CFAP20DC: variants seen among roughly 807,000 people sequenced by gnomAD.
The protein encoded by CFAP20DC is CFAP20 domain containing, also known as protein CFAP20DC.
In CFAP20DC, 84 loss-of-function variants were observed where a neutral mutation model predicts 101.7. The ratio of observed to expected loss-of-function variants is 0.83; its 90% CI spans 0.69 to 0.99. CFAP20DC has a LOEUF of 0.99. Ranked by LOEUF, CFAP20DC falls within the 50% of genes least tolerant of loss-of-function variation. The probability of loss-of-function intolerance (pLI) is 0.00; values close to 1 mark genes in which losing one functional copy is unlikely to be tolerated. For synonymous variants in CFAP20DC, 359 were observed against 351.2 expected, an observed-to-expected ratio of 1.02 and a Z score of -0.25; for missense variants, 1,007 against 970.3, an observed-to-expected ratio of 1.04 and a Z score of -0.50.
intron 15 of CFAP20DC, among the ~76,000 whole-genome samples, chr3:58,786,988 G>C (rs919342907): frequency 7.3e-5 from 11 of 151,722 alleles, no homozygotes; most frequent in Non-Finnish European, 1.6e-4. Context: ...TGTCGTTTTA[G>C]ACATCCACTG....
At chr3:58,772,612 A>C (rs116043352) in intron 15 of CFAP20DC, among the ~76,000 whole-genome samples, 291 of 152,296 alleles carry the variant, frequency 1.9e-3, no homozygotes, top group African/African-American at 6.7e-3. Flanking sequence ...CTACCTCATA[A>C]ATATATGCAA....
intron 15 of CFAP20DC, among the ~76,000 whole-genome samples, chr3:58,778,753 C>T (rs900111770): frequency 6.6e-6 from 1 of 152,226 alleles, no homozygotes; most frequent in Non-Finnish European, 1.5e-5. Context: ...CTATTGAGGT[C>T]CGGAGACTGG....
chr3:58,726,942 G>T (rs1012174625), intron 3 of CFAP20DC: 7 of 159,574 alleles, frequency 4.4e-5, no homozygotes, highest in Non-Finnish European at 8.6e-5. Flanking sequence ...TTCCACTCAC[G>T]CCATCAGAAG....
At chr3:58,744,729 T>C (rs1055759727) in intron 16 of CFAP20DC, among the ~76,000 whole-genome samples, 2 of 152,004 alleles carry the variant, frequency 1.3e-5, no homozygotes, top group African/African-American at 4.8e-5. Context: ...GAGGAAGCCA[T>C]AGGATCAACA....
chr3:59,047,280 A>C (rs1699939166), intron 1 of CFAP20DC, 26 bp from the exon 2 acceptor site: 1 of 1,424,262 alleles, frequency 7.0e-7, no homozygotes. Flanking sequence ...AAAATATTAA[A>C]AGACAATGCT....
chr3:58,999,833 G>C, intron 4 of CFAP20DC, among the ~76,000 whole-genome samples: 1 of 137,118 alleles, frequency 7.3e-6, no homozygotes, highest in African/African-American at 2.8e-5. Context: ...CCAAAAGGGA[G>C]TCACTAATGT....
At chr3:58,880,173 A>G (rs1370892901) in intron 7 of CFAP20DC, among the ~76,000 whole-genome samples, 1 of 152,158 alleles carries the variant, frequency 6.6e-6, no homozygotes, top group Non-Finnish European at 1.5e-5. Flanking sequence ...ACTAGAAGTA[A>G]AAGTCTTTTC....
chr3:58,772,406 A>G (rs1237180657), intron 15 of CFAP20DC, among the ~76,000 whole-genome samples: 1 of 152,222 alleles, frequency 6.6e-6, no homozygotes, highest in Non-Finnish European at 1.5e-5. Context: ...AATTAAAATA[A>G]TGATATACTA....
At chr3:58,953,510 C>T (rs1396578965) in intron 4 of CFAP20DC, 1 of 152,200 alleles carries the variant, frequency 6.6e-6, no homozygotes, top group Admixed American at 6.5e-5. Context: ...GCTTATGCTA[C>T]TGTCTTTGCA....
chr3:58,784,846 C>T (rs2072175167), intron 15 of CFAP20DC, among the ~76,000 whole-genome samples: 1 of 152,004 alleles, frequency 6.6e-6, no homozygotes, highest in African/African-American at 2.4e-5. Flanking sequence ...TAAATTAGTA[C>T]AGCCACTATG....
rs574579224 is a variant in CFAP20DC, at chr3:58,894,832, T to C, written c.551-10123A>G. ...GTGCCTGGGCATCCAGGCGTTTCCATATGTCCTCTGAAATCAAGGTGGAGG... is the reference window on the plus strand; with the variant it reads ...GTGCCTGGGCATCCAGGCGTTTCCACATGTCCTCTGAAATCAAGGTGGAGG... On this transcript the variant is annotated intron_variant, in intron 6 of 16. Coordinates refer to ENST00000482387, the MANE Select transcript of CFAP20DC (RefSeq NM_001394063.1). This position sits in a 1 kb window ranked among gnomAD's most constrained non-coding sequence, Gnocchi z 4.1. Among the ~76,000 whole-genome samples the C allele has an allele frequency of 1.5e-4, 23 of 152,346 alleles. No individual in the cohort carries two copies. Among genetic ancestry groups the C allele is most frequent in the African/African-American group, 5.5e-4 (23 of 41,588 alleles).
At chr3:58,781,525 G>T (rs1362152696) in intron 15 of CFAP20DC, among the ~76,000 whole-genome samples, 1 of 151,534 alleles carries the variant, frequency 6.6e-6, no homozygotes, top group Non-Finnish European at 1.5e-5. Flanking sequence ...CTTTTTGAAA[G>T]ATAAAATTGA....
chr3:58,937,590 T>G, intron 5 of CFAP20DC, 58 bp downstream of exon 5: 2 of 1,044,862 alleles, frequency 1.9e-6, no homozygotes, highest in Non-Finnish European at 3.0e-6. Flanking sequence ...AGTCAGCCCA[T>G]AAGTAATATT....
chr3:59,034,229 C>G (rs1430458330), intron 4 of CFAP20DC, among the ~76,000 whole-genome samples: 4 of 152,100 alleles, frequency 2.6e-5, no homozygotes, highest in Non-Finnish European at 4.4e-5. Flanking sequence ...TGGTACCAGC[C>G]ACTGCAAAAA....
chr3:58,792,690 T>C (rs1575653707), intron 15 of CFAP20DC, among the ~76,000 whole-genome samples: 1 of 151,648 alleles, frequency 6.6e-6, no homozygotes, highest in Admixed American at 6.6e-5. Context: ...ACTACTTTTA[T>C]CTAGTATCTG....
At chr3:58,811,278 G>T (rs1025650048) in intron 14 of CFAP20DC, among the ~76,000 whole-genome samples, 5 of 152,108 alleles carry the variant, frequency 3.3e-5, no homozygotes, top group African/African-American at 1.2e-4. Flanking sequence ...CAAAGCTGGA[G>T]GCATCACGTT....
chr3:58,877,229 T>C (rs1187170742), intron 7 of CFAP20DC, among the ~76,000 whole-genome samples: 1 of 152,210 alleles, frequency 6.6e-6, no homozygotes, highest in African/African-American at 2.4e-5. Context: ...GTCGGGCATG[T>C]ATTGCTCTAG....
At chr3:58,798,896 G>C (rs2073455853) in intron 15 of CFAP20DC, among the ~76,000 whole-genome samples, 1 of 152,098 alleles carries the variant, frequency 6.6e-6, no homozygotes, top group South Asian at 2.1e-4. Flanking sequence ...TCAAATTAAG[G>C]CATGTATATT....
At chr3:58,891,370 T>G (rs1391019734) in intron 6 of CFAP20DC, among the ~76,000 whole-genome samples, 1 of 150,094 alleles carries the variant, frequency 6.7e-6, no homozygotes, top group African/African-American at 2.5e-5. Context: ...AGCAGTACAG[T>G]CCAGCTTCGG....
Sources: gnomAD v4.1 joint callset for allele counts (sites outside exome capture counted in the v4.1 genomes callset) on GRCh38, gnomAD v4.1.1 for gene constraint, Gnocchi (gnomAD v3.1) non-coding constraint, MANE v1.5 for transcripts, NCBI Gene and HGNC (gene_info 2026-07-23, HGNC 2026-07-21) for gene names.